The following KCNH8 variants were observed in gnomAD, a reference collection of about 807,000 sequenced individuals.
KCNH8 encodes the protein potassium voltage-gated channel subfamily H member 8, also known as voltage-gated delayed rectifier potassium channel KCNH8.
A neutral mutation model predicts 103.6 loss-of-function variants in KCNH8; 70 were observed. The ratio of observed to expected loss-of-function variants is 0.68; its 90% CI spans 0.56 to 0.82. The LOEUF is 0.82. KCNH8 is among the 40% of genes least tolerant of loss of function. KCNH8 has a pLI of 0.00. For synonymous variants in KCNH8, 498 were observed against 489.4 expected (o/e 1.02, Z -0.23); for missense variants, 1,217 against 1,329.9 (o/e 0.92, Z 1.32).
At chr3:19,358,139 C>T (rs1007371921) in intron 5 of KCNH8, among the ~76,000 whole-genome samples, 4 of 151,242 alleles carry the variant, frequency 2.6e-5, no homozygotes, top group African/African-American at 9.7e-5. Context: ...AAAATACTGG[C>T]CGGCCTTCCT....
At chr3:19,413,206 A>G (rs1559315969) in intron 7 of KCNH8, among the ~76,000 whole-genome samples, 1 of 151,806 alleles carries the variant, frequency 6.6e-6, no homozygotes, top group East Asian at 1.9e-4. Flanking sequence ...AAAAAAAAAA[A>G]AAGAATGAAA....
rs927466258 is a variant in KCNH8 at position 19,533,381 on chromosome 3, C to T, written c.2620-14C>T. The T allele has an allele frequency of 6.4e-7, 1 of 1,567,682 alleles. No homozygotes were observed. Among genetic ancestry groups the T allele is most frequent in the Non-Finnish European group, 8.8e-7 (1 of 1,137,928 alleles). On this transcript the variant is annotated splice_polypyrimidine_tract_variant and intron_variant, in intron 15 of 15. Transcript: ENST00000328405. ...CCTCTAACTATTGTCTTTCACTTTG[C>T]TCTATCCACATAGGTAACAACATTG...
At chr3:19,159,553 CA>C (rs949060756) in intron 1 of KCNH8, among the ~76,000 whole-genome samples, 6 of 152,050 alleles carry the variant, frequency 3.9e-5, no homozygotes, top group Non-Finnish European at 7.4e-5. Flanking sequence ...TGCATGAAAA[CA>C]GGGCCAAGAT....
chr3:19,154,451 G>A (rs1481409140), intron 1 of KCNH8, among the ~76,000 whole-genome samples: 1 of 152,172 alleles, frequency 6.6e-6, no homozygotes, highest in Non-Finnish European at 1.5e-5. Context: ...AAACTATGGT[G>A]CCATCTATGT....
intron 7 of KCNH8, among the ~76,000 whole-genome samples, chr3:19,423,130 G>A (rs1193922846): frequency 6.6e-6 from 1 of 152,006 alleles, no homozygotes; most frequent in Non-Finnish European, 1.5e-5. Flanking sequence ...TCTAAAGACT[G>A]AAAAGCTTCT....
chr3:19,499,289 G>T (rs959837813), intron 11 of KCNH8, among the ~76,000 whole-genome samples: 1 of 152,198 alleles, frequency 6.6e-6, no homozygotes, highest in African/African-American at 2.4e-5. Flanking sequence ...ATGGGACTCT[G>T]TGAAAAGACC....
intron 5 of KCNH8, among the ~76,000 whole-genome samples, chr3:19,376,453 C>T (rs974118402): frequency 4.6e-5 from 7 of 152,156 alleles, no homozygotes; most frequent in African/African-American, 7.2e-5. Flanking sequence ...CTCCCTGCTT[C>T]GGCTCATGCA....
In KCNH8 at chr3:19,436,295, T is replaced by A. The variant is rs552377082; in HGVS notation, c.1178-1869T>A. Among the ~76,000 whole-genome samples, 234 of 152,148 alleles carry A rather than the reference T, an allele frequency of 1.5e-3. 2 individuals carry two copies. Among genetic ancestry groups the A allele is most frequent in the Middle Eastern group, 3.4e-3 (1 of 294 alleles). ...AAAATGTTCTTTAGGAAAAAAAAAATTTGAGCAGAAACAGGCTGTCCTAGG... is the reference window on the plus strand; with the variant it reads ...AAAATGTTCTTTAGGAAAAAAAAAAATTGAGCAGAAACAGGCTGTCCTAGG... On this transcript the variant is annotated intron_variant, in intron 7 of 15. Coordinates refer to ENST00000328405, the MANE Select transcript of KCNH8 (RefSeq NM_144633.3).
chr3:19,362,083 T>C (rs1463081410), intron 5 of KCNH8, among the ~76,000 whole-genome samples: 1 of 152,176 alleles, frequency 6.6e-6, no homozygotes, highest in Non-Finnish European at 1.5e-5. Flanking sequence ...TCAATAATGA[T>C]GATTATTGTC....
chr3:19,189,603 A>G (rs984817930), intron 1 of KCNH8, among the ~76,000 whole-genome samples: 1 of 152,006 alleles, frequency 6.6e-6, no homozygotes, highest in African/African-American at 2.4e-5. Flanking sequence ...TATGTGATTC[A>G]TATTTAGTAA....
At position 19,533,627 on chromosome 3, in the gene KCNH8, G is replaced by T. The variant is rs775566240; in HGVS notation, c.2852G>T (p.Ser951Ile). Residue 951 changes from serine (S) to isoleucine (I), a missense_variant, in exon 16 of 16, where the codon AGC (serine) becomes ATC (isoleucine). By Grantham distance (142) the Ser-to-Ile change is moderately radical. Transcript: ENST00000328405. The part of the protein sequence containing the change: ...GAAYTQAQLC[S>I]SNITSDIWSV... The stretch of plus-strand genomic sequence containing the variant: ...GCTTATACCCAAGCACAACTTTGTA[G>T]CAGTAATATCACCTCAGACATTTGG... 1.2e-6 allele frequency: 2 copies of T among 1,614,170 alleles called. No homozygotes were observed. Among genetic ancestry groups the T allele is most frequent in the Admixed American group, 1.7e-5 (1 of 60,028 alleles).
intron 11 of KCNH8, among the ~76,000 whole-genome samples, chr3:19,508,711 G>GA (rs1222505977): frequency 6.6e-6 from 1 of 152,126 alleles, no homozygotes; most frequent in Non-Finnish European, 1.5e-5. Flanking sequence ...TAGAAATTAG[G>GA]AATTTCAGGC....
chr3:19,419,422 G>T (rs529468222), intron 7 of KCNH8, among the ~76,000 whole-genome samples: 1 of 150,912 alleles, frequency 6.6e-6, no homozygotes, highest in Non-Finnish European at 1.5e-5. Flanking sequence ...GGATGGTCTC[G>T]ATCTCCTGAC....
intron 11 of KCNH8, among the ~76,000 whole-genome samples, chr3:19,494,997 C>A (rs2068408313): frequency 6.6e-6 from 1 of 152,156 alleles, no homozygotes; most frequent in Non-Finnish European, 1.5e-5. Flanking sequence ...TGTATGTATT[C>A]TTCTGAAAAG....
rs2066419049 is a variant in KCNH8, at chr3:19,390,392, C to T, written c.812-89C>T. 5.1e-6 allele frequency: 5 copies of T among 985,136 alleles called. No individual in the cohort carries two copies. The South Asian group carries it at 8.1e-5, about 16-fold the overall frequency. The allele number at this position is 985,136 out of a possible 1,614,324, so 61.0% of individuals were successfully genotyped here. A position where few individuals can be genotyped will look rare whatever the true frequency, so the allele number is the denominator to read the frequency against. ...GCTTGTTTGCCTGCCTGTCTCCCTTCCTTTCTTCTTTCTTTCATTGTCCTT... is the reference window on the plus strand; with the variant it reads ...GCTTGTTTGCCTGCCTGTCTCCCTTTCTTTCTTCTTTCTTTCATTGTCCTT... On this transcript the variant is annotated intron_variant, in intron 5 of 15. Coordinates refer to ENST00000328405, the MANE Select transcript of KCNH8 (RefSeq NM_144633.3).
chr3:19,441,310 A>C (rs1575070418), intron 8 of KCNH8, among the ~76,000 whole-genome samples: 1 of 152,016 alleles, frequency 6.6e-6, no homozygotes, highest in Admixed American at 6.6e-5. Flanking sequence ...AGCCTTCTAC[A>C]TTTGCTATGT....
intron 1 of KCNH8, among the ~76,000 whole-genome samples, chr3:19,178,079 A>G (rs560626036): frequency 1.3e-5 from 2 of 152,224 alleles, no homozygotes; most frequent in African/African-American, 4.8e-5. Context: ...TTCTAGCGAC[A>G]CTGAATAGCA....
intron 10 of KCNH8, among the ~76,000 whole-genome samples, chr3:19,456,108 G>A (rs890510935): frequency 2.0e-5 from 3 of 151,966 alleles, no homozygotes; most frequent in African/African-American, 7.2e-5. Context: ...ATGTGGCTAT[G>A]TATTATTCCT....
chr3:19,400,870 G>T (rs184206381), intron 7 of KCNH8, among the ~76,000 whole-genome samples: 1 of 151,882 alleles, frequency 6.6e-6, no homozygotes, highest in African/African-American at 2.4e-5. Context: ...AACTGCATCG[G>T]TTTTCCTAAA....
Sources: allele counts gnomAD v4.1 joint callset (sites outside exome capture counted in the v4.1 genomes callset), GRCh38; gene constraint gnomAD v4.1.1; transcripts MANE v1.5; gene names NCBI Gene and HGNC (gene_info 2026-07-23, HGNC 2026-07-21).